The following MGA variants were observed in gnomAD, a reference collection of about 807,000 sequenced individuals.
The protein encoded by MGA is MAX dimerization protein MGA, also known as MAX gene-associated protein.
In MGA, 40 loss-of-function variants were observed where a neutral mutation model predicts 261.1. That is an observed-to-expected ratio of 0.15 (90% confidence interval 0.12 to 0.20). The LOEUF (loss-of-function observed/expected upper bound fraction) is 0.20, where lower values mean the gene tolerates loss of function less well. Ranked by LOEUF, MGA falls within the 10% of genes least tolerant of loss-of-function variation. The pLI is 1.00. For synonymous variants in MGA, 1,302 were observed against 1,290.6 expected, an observed-to-expected ratio of 1.01 and a Z score of -0.19; for missense variants, 3,397 against 3,630.5, an observed-to-expected ratio of 0.94 and a Z score of 1.65.
At chr15:41,681,243 A>T (rs1441121422) in intron 2 of MGA, among the ~76,000 whole-genome samples, 1 of 152,096 alleles carries the variant, frequency 6.6e-6, no homozygotes, top group Non-Finnish European at 1.5e-5. Context: ...TAGTTTTTCC[A>T]TTTTAGCTAT....
chr15:41,767,098 C>G lies in MGA; in HGVS notation c.9016C>G (p.Gln3006Glu). The G allele has an allele frequency of 6.2e-7, 1 of 1,613,976 alleles. No individual in the cohort carries two copies. Among genetic ancestry groups the G allele is most frequent in the Non-Finnish European group, 8.5e-7 (1 of 1,179,888 alleles). ...TAATCCTTCCAGTGATGCAGATGGT[C>G]AGAGTCTCAAGGTGATGCCTTGTTT... Residue 3006 changes from glutamine to glutamate, a missense_variant, in exon 24 of 24, where the codon CAG (glutamine) becomes GAG (glutamate). This residue lies in a region of MGA where 647 missense variants were observed against 642.4 expected (regional missense o/e 1.01). Transcript: ENST00000219905.
chr15:41,730,016 C>T (rs2061428985), intron 11 of MGA, among the ~76,000 whole-genome samples: 1 of 152,054 alleles, frequency 6.6e-6, no homozygotes, highest in African/African-American at 2.4e-5. Context: ...CCTCAGCCTC[C>T]TGGGTAACTG....
intron 5 of MGA, among the ~76,000 whole-genome samples, chr15:41,700,782 T>C (rs780345289): frequency 6.6e-6 from 1 of 152,210 alleles, no homozygotes; most frequent in African/African-American, 2.4e-5. Flanking sequence ...CTATCTTTGA[T>C]TTTAGATAGG....
At chr15:41,655,201 C>CA (rs2057140527) in intron 1 of MGA, among the ~76,000 whole-genome samples, 4 of 138,096 alleles carry the variant, frequency 2.9e-5, no homozygotes, top group Non-Finnish European at 3.1e-5. Flanking sequence ...TTTTTTGAGA[C>CA]AGAGTCTTGC....
At chr15:41,628,595 G>T (rs577484845) in intron 1 of MGA, among the ~76,000 whole-genome samples, 25 of 151,992 alleles carry the variant, frequency 1.6e-4, no homozygotes, top group Non-Finnish European at 2.9e-4. Context: ...TCAGTTTGGG[G>T]ATTTTCAAGG....
rs530927124 is a variant in MGA, at chr15:41,769,299, CTTTTTTT to C, written c.*2033_*2039del. 7.5e-6 allele frequency: 1 copy of C among 132,486 alleles called. No homozygotes were observed. Among genetic ancestry groups the C allele is most frequent in the African/African-American group, 2.8e-5 (1 of 35,782 alleles). The allele number at this position is 132,486 out of a possible 1,614,324, so 8.2% of individuals were successfully genotyped here. A position where few individuals can be genotyped will look rare whatever the true frequency, so the allele number is the denominator to read the frequency against. ...AAGGACCATTTTAGCTTAACACTTC[CTTTTTTT>C]TTTTTTTTTTTTTAAGAAGAATATA... On this transcript the variant is annotated 3_prime_UTR_variant, in exon 24 of 24. Coordinates refer to ENST00000219905, the MANE Select transcript of MGA (RefSeq NM_001164273.2).
chr15:41,684,801 A>G (rs1302675562), intron 2 of MGA: 1 of 154,264 alleles, frequency 6.5e-6, no homozygotes, highest in African/African-American at 2.4e-5. Context: ...TGTGATATAC[A>G]TAAGAACTGA....
At chr15:41,630,662 C>T (rs768252483) in intron 1 of MGA, among the ~76,000 whole-genome samples, 4 of 152,132 alleles carry the variant, frequency 2.6e-5, no homozygotes, top group African/African-American at 9.7e-5. Flanking sequence ...GTTTTATTCT[C>T]TAGGGCTGAA....
chr15:41,657,623 T>C (rs2057233632), upstream of MGA, among the ~76,000 whole-genome samples: 1 of 151,846 alleles, frequency 6.6e-6, no homozygotes, highest in Non-Finnish European at 1.5e-5. Flanking sequence ...CCCAAAGTGC[T>C]AGGATTACAG....
intron 14 of MGA, among the ~76,000 whole-genome samples, chr15:41,740,972 A>C (rs2062056878): frequency 6.6e-6 from 1 of 152,074 alleles, no homozygotes; most frequent in Admixed American, 6.6e-5. Flanking sequence ...ATCTGTTAGG[A>C]ATGTTAGGTA....
At chr15:41,652,058 T>G (rs1749450210) in intron 1 of MGA, among the ~76,000 whole-genome samples, 1 of 136,676 alleles carries the variant, frequency 7.3e-6, no homozygotes, top group East Asian at 2.2e-4. Flanking sequence ...CTCCTCCTCT[T>G]GGGTTCACGC....
intron 1 of MGA, among the ~76,000 whole-genome samples, chr15:41,664,284 A>T (rs1566945554): frequency 6.6e-6 from 1 of 152,218 alleles, no homozygotes; most frequent in Non-Finnish European, 1.5e-5. Flanking sequence ...CAGAAAGAAA[A>T]ACTCAGTGTG....
At chr15:41,662,030 A>G (rs2057439745) in intron 1 of MGA, among the ~76,000 whole-genome samples, 1 of 151,702 alleles carries the variant, frequency 6.6e-6, no homozygotes, top group Non-Finnish European at 1.5e-5. Flanking sequence ...TGGGTCATTA[A>G]TAGTCGACGG....
intron 2 of MGA, 138 bp from the exon 3 acceptor site, chr15:41,695,937 T>C (rs1025477165): frequency 1.6e-6 from 1 of 637,938 alleles, no homozygotes; most frequent in African/African-American, 1.8e-5. Context: ...TTTTAGAGTT[T>C]TTGAGTGTTT....
At chr15:41,659,880 A>T (rs963705701), upstream of MGA, among the ~76,000 whole-genome samples, 1 of 152,234 alleles carries the variant, frequency 6.6e-6, no homozygotes, top group East Asian at 1.9e-4. Flanking sequence ...TGGATGTTGT[A>T]AACTCGACCA....
intron 1 of MGA, among the ~76,000 whole-genome samples, chr15:41,636,853 T>C (rs1009906314): frequency 1.3e-5 from 2 of 152,110 alleles, no homozygotes; most frequent in Non-Finnish European, 2.9e-5. Flanking sequence ...ACCTGGCCTG[T>C]GGTGTTTTAT....
chr15:41,750,869 G>A (rs17678138), intron 17 of MGA: 104,367 of 316,398 alleles, frequency 0.33, 18,169 homozygotes, highest in Admixed American at 0.4. Context: ...GTGCTTGAGA[G>A]TCCCTACCGA....
intron 2 of MGA, among the ~76,000 whole-genome samples, chr15:41,682,120 T>C (rs2058713906): frequency 6.6e-6 from 1 of 152,098 alleles, no homozygotes; most frequent in African/African-American, 2.4e-5. Context: ...TTTCTCCATG[T>C]TGGTTAGGCT....
chr15:41,663,567 T>C (rs563012829), intron 1 of MGA, among the ~76,000 whole-genome samples: 3 of 152,208 alleles, frequency 2.0e-5, no homozygotes, highest in East Asian at 1.9e-4. Flanking sequence ...CTATCTCGGC[T>C]CATTGCAACC....
Sources: gnomAD v4.1 joint callset for allele counts (sites outside exome capture counted in the v4.1 genomes callset) on GRCh38, gnomAD v4.1.1 for gene constraint, gnomAD v4.1.1 regional missense constraint, MANE v1.5 for transcripts, NCBI Gene and HGNC (gene_info 2026-07-23, HGNC 2026-07-21) for gene names.